The following ZNF407 variants were observed in gnomAD, a reference collection of about 807,000 sequenced individuals.
The protein encoded by ZNF407 is zinc finger protein 407.
A neutral mutation model predicts 131.2 loss-of-function variants in ZNF407; 17 were observed. The observed-to-expected ratio is 0.13, with a 90% CI of 0.09 to 0.19. The LOEUF (loss-of-function observed/expected upper bound fraction) is 0.19. Ranked by LOEUF, ZNF407 falls within the 10% of genes least tolerant of loss-of-function variation. The pLI is 1.00. For synonymous variants in ZNF407, 1,156 were observed against 1,062.0 expected (o/e 1.09, Z -1.72); for missense variants, 2,681 against 2,830.6 (o/e 0.95, Z 1.20).
At chr18:74,805,454 C>T (rs1933685649) in intron 4 of ZNF407, among the ~76,000 whole-genome samples, 2 of 152,214 alleles carry the variant, frequency 1.3e-5, no homozygotes, top group South Asian at 2.1e-4. Flanking sequence ...TACCTACTTA[C>T]ATTTTCAATG....
chr18:74,633,943 A>G lies in ZNF407; in HGVS notation c.2924A>G (p.His975Arg). 1 of 1,614,032 alleles carries G rather than the reference A, an allele frequency of 6.2e-7. No homozygotes were observed. Among genetic ancestry groups the G allele is most frequent in the South Asian group, 1.1e-5 (1 of 91,082 alleles). Residue 975 changes from histidine (H) to arginine (R), a missense_variant, in exon 2 of 9, where the codon CAT (histidine) becomes CGT (arginine). Around this residue, in one of 6 missense-constraint regions of ZNF407, gnomAD observed 1,789 missense variants for 1,748.7 expected, o/e 1.02. Coordinates refer to ENST00000299687, the MANE Select transcript of ZNF407 (RefSeq NM_017757.3). Reference protein sequence around the residue: ...SIEAEVENVFHSLDGEVNSHL... With the variant: ...SIEAEVENVFRSLDGEVNSHL... ...GAAGCTGAAGTTGAAAATGTATTTC[A>G]TTCTCTAGATGGAGAAGTTAACAGC...
intron 4 of ZNF407, among the ~76,000 whole-genome samples, chr18:74,797,449 T>C (rs1320601353): frequency 6.6e-6 from 1 of 152,156 alleles, no homozygotes; most frequent in African/African-American, 2.4e-5. Context: ...GATGATAAAC[T>C]CCAACAGATG....
At chr18:74,774,927 T>G (rs1969436933) in intron 3 of ZNF407, among the ~76,000 whole-genome samples, 2 of 152,098 alleles carry the variant, frequency 1.3e-5, no homozygotes, top group African/African-American at 4.8e-5. Context: ...ACATTCTTAG[T>G]GAGAGAGAGC....
At chr18:74,760,984 T>C (rs954163414) in intron 3 of ZNF407, among the ~76,000 whole-genome samples, 1 of 152,220 alleles carries the variant, frequency 6.6e-6, no homozygotes, top group African/African-American at 2.4e-5. Context: ...GAGCAGATTT[T>C]TGGAGGACCT....
In ZNF407 at chr18:74,838,193, C is replaced by T. The variant is rs576888345; in HGVS notation, c.4878-39004C>T. Among the ~76,000 whole-genome samples, 10 of 152,222 alleles carry T rather than the reference C, an allele frequency of 6.6e-5. No homozygotes were observed. The South Asian group carries it at 2.1e-3, about 32-fold the overall frequency. ...CTCCTTAAAATACATGTTTCCATTT[C>T]TATGCTTTTCCATCTGCCGTCCCAA... On this transcript the variant is annotated intron_variant, in intron 4 of 8. Transcript: ENST00000299687.
chr18:75,006,824 T>G (rs1972916436), intron 8 of ZNF407, among the ~76,000 whole-genome samples: 1 of 151,970 alleles, frequency 6.6e-6, no homozygotes, highest in African/African-American at 2.4e-5. Flanking sequence ...AGTGTGATTT[T>G]TTTTCTTTTT....
intron 3 of ZNF407, among the ~76,000 whole-genome samples, chr18:74,721,262 G>T (rs866801994): frequency 4.4e-4 from 67 of 151,998 alleles, no homozygotes; most frequent in African/African-American, 1.5e-3. Flanking sequence ...TGTAGCTGTT[G>T]TAAACGGGAC....
chr18:75,031,465 T>C (rs895358974), intron 8 of ZNF407, among the ~76,000 whole-genome samples: 9 of 152,150 alleles, frequency 5.9e-5, no homozygotes, highest in Admixed American at 1.3e-4. Flanking sequence ...GTGAGGAAAA[T>C]TGATCAAAAT....
chr18:74,621,514 C>T (rs1174976054), intron 1 of ZNF407, among the ~76,000 whole-genome samples: 1 of 152,034 alleles, frequency 6.6e-6, no homozygotes, highest in Non-Finnish European at 1.5e-5. Flanking sequence ...GCAGCAGCCC[C>T]CAGCTCCTCA....
chr18:74,934,092 G>A (rs1972012445), intron 8 of ZNF407, among the ~76,000 whole-genome samples: 1 of 151,878 alleles, frequency 6.6e-6, no homozygotes, highest in Non-Finnish European at 1.5e-5. Context: ...GTTCACTCTT[G>A]TCATTGCTCT....
intron 3 of ZNF407, among the ~76,000 whole-genome samples, chr18:74,755,727 T>TA: frequency 2.6e-5 from 1 of 38,474 alleles, no homozygotes; most frequent in South Asian, 1.1e-3. Context: ...CTTCTTTCTT[T>TA]CCTTTCTTTC....
intron 4 of ZNF407, among the ~76,000 whole-genome samples, chr18:74,814,496 A>G (rs895977565): frequency 2.6e-5 from 4 of 152,172 alleles, no homozygotes; most frequent in Non-Finnish European, 4.4e-5. Context: ...TACTTGAGCT[A>G]TTTTTAAAGG....
chr18:74,681,534 C>T (rs964983329), intron 3 of ZNF407, among the ~76,000 whole-genome samples: 3 of 152,234 alleles, frequency 2.0e-5, no homozygotes, highest in South Asian at 2.1e-4. Flanking sequence ...TGAGCCATCG[C>T]GCCTGGCCTG....
At chr18:74,996,922 T>G (rs1972786400) in intron 8 of ZNF407, among the ~76,000 whole-genome samples, 1 of 152,250 alleles carries the variant, frequency 6.6e-6, no homozygotes, top group African/African-American at 2.4e-5. Context: ...ACAGATAGTT[T>G]AAGTGTTTTT....
chr18:74,803,781 C>T (rs569954104), intron 4 of ZNF407, among the ~76,000 whole-genome samples: 3 of 152,236 alleles, frequency 2.0e-5, no homozygotes, highest in African/African-American at 7.2e-5. Context: ...GTTGTGTTAC[C>T]TTGGGTCTGT....
chr18:74,896,842 C>CTATG (rs1971460304), intron 7 of ZNF407, among the ~76,000 whole-genome samples: 1 of 152,114 alleles, frequency 6.6e-6, no homozygotes, highest in Non-Finnish European at 1.5e-5. Flanking sequence ...GAATGTTGTA[C>CTATG]TATGTGTTAA....
chr18:74,608,402 G>A (rs1157942586), intron 1 of ZNF407, among the ~76,000 whole-genome samples: 1 of 150,364 alleles, frequency 6.7e-6, no homozygotes, highest in African/African-American at 2.5e-5. Context: ...AGGCTGGAGT[G>A]CAGTGGCTCA....
chr18:74,816,666 T>G (rs1970271420), intron 4 of ZNF407, among the ~76,000 whole-genome samples: 1 of 152,240 alleles, frequency 6.6e-6, no homozygotes, highest in Non-Finnish European at 1.5e-5. Context: ...CATTTGTCAT[T>G]TAAATTGATA....
At chr18:74,741,199 C>T (rs764285184) in intron 3 of ZNF407, among the ~76,000 whole-genome samples, 4 of 152,016 alleles carry the variant, frequency 2.6e-5, no homozygotes, top group South Asian at 2.1e-4. Context: ...ATCAGGAATA[C>T]GTTTCTATAG....
Sources: gnomAD v4.1 joint callset for allele counts (sites outside exome capture counted in the v4.1 genomes callset) on GRCh38, gnomAD v4.1.1 for gene constraint, gnomAD v4.1.1 regional missense constraint, MANE v1.5 for transcripts, NCBI Gene and HGNC (gene_info 2026-07-23, HGNC 2026-07-21) for gene names.